Variants in ARHGEF10 observed in about 807,000 individuals in gnomAD.
The protein encoded by ARHGEF10 is Rho guanine nucleotide exchange factor 10.
ARHGEF10 carries 140 observed loss-of-function variants against 147.4 expected under a neutral mutation model. The observed-to-expected ratio is 0.95, with a 90% CI of 0.83 to 1.09. The LOEUF is 1.09. Ranked by LOEUF, ARHGEF10 falls within the 50% of genes least tolerant of loss-of-function variation. The pLI is 0.00. For missense variants in ARHGEF10, 2,222 were observed against 1,752.7 expected (o/e 1.27, Z -4.78); for synonymous variants, 902 against 695.8 (o/e 1.30, Z -4.67).
At chr8:1,842,510 G>A (rs1272264923) in intron 1 of ARHGEF10, among the ~76,000 whole-genome samples, 3 of 152,228 alleles carry the variant, frequency 2.0e-5, no homozygotes, top group Non-Finnish European at 4.4e-5. Context: ...GAGCTGGCCT[G>A]TGGGTGACAC....
Position 1,860,025 on chromosome 8 carries a change from C to A in ARHGEF10, c.322C>A (p.Pro108Thr), listed in dbSNP as rs1373504102. 1 of 1,614,128 alleles carries A rather than the reference C, an allele frequency of 6.2e-7. No homozygotes were observed. The highest frequency in any genetic ancestry group is 1.7e-5 in the Admixed American group (1 of 60,028). ...TPFQEDQPPT[P>T]VPSAEEENVG... ...ATTCCAGGAGGACCAGCCGCCCACC[C>A]CCGTGCCCAGCGCTGAGGAGGAGAA... The change falls in exon 4 of 29, where the codon CCC (proline) becomes ACC (threonine). Residue 108 changes from proline to threonine, a missense_variant. Coordinates refer to ENST00000349830, the MANE Select transcript of ARHGEF10 (RefSeq NM_014629.4).
In ARHGEF10 at chr8:1,896,428, C is replaced by T. The variant is rs141646890; in HGVS notation, c.1536C>T (p.Pro512=). ...AVLKKTCATK[P]AFLEFLKQEQ... ...TCAAGAAAACATGTGCCACAAAGCCCGCTTTTCTTGAATTTTTAAAGGTAA... is the reference window on the plus strand; with the variant it reads ...TCAAGAAAACATGTGCCACAAAGCCTGCTTTTCTTGAATTTTTAAAGGTAA... Residue 512 remains proline, a synonymous_variant, in exon 14 of 29, where the codon CCC becomes CCT. Coordinates refer to ENST00000349830, the MANE Select transcript of ARHGEF10 (RefSeq NM_014629.4). 8 of 1,613,418 alleles carry T rather than the reference C, an allele frequency of 5.0e-6. No homozygotes were observed. The highest frequency in any genetic ancestry group is 5.9e-6 in the Non-Finnish European group (7 of 1,179,838).
chr8:1,869,410 G>A (rs1169889981), intron 7 of ARHGEF10, 160 bp downstream of exon 7: 2 of 728,210 alleles, frequency 2.7e-6, no homozygotes, highest in Admixed American at 4.0e-5. Flanking sequence ...GAATATTGGT[G>A]TTTGTGCACA....
intron 11 of ARHGEF10, among the ~76,000 whole-genome samples, chr8:1,886,539 G>A (rs1026799836): frequency 6.6e-6 from 1 of 152,220 alleles, no homozygotes; most frequent in Non-Finnish European, 1.5e-5. Context: ...GCTGAAATAG[G>A]AAGCTTACAT....
At chr8:1,844,806 C>G (rs1447389076) in intron 2 of ARHGEF10, among the ~76,000 whole-genome samples, 2 of 152,136 alleles carry the variant, frequency 1.3e-5, no homozygotes, top group African/African-American at 4.8e-5. Context: ...TCAGCTCACA[C>G]CTGTAATGCC....
chr8:1,933,617 C>A (rs573070880), intron 25 of ARHGEF10, among the ~76,000 whole-genome samples, 183 bp from the exon 26 acceptor site: 2 of 152,158 alleles, frequency 1.3e-5, no homozygotes, highest in East Asian at 3.9e-4. Flanking sequence ...CGACTGTGCA[C>A]CATGGCCCAA....
chr8:1,877,061 C>T (rs988708736), intron 8 of ARHGEF10, among the ~76,000 whole-genome samples: 1 of 152,200 alleles, frequency 6.6e-6, no homozygotes, highest in Non-Finnish European at 1.5e-5. Flanking sequence ...GCACCGTTTG[C>T]GGAACACTGA....
At chr8:1,906,968 A>G (rs1810943866) in intron 17 of ARHGEF10, among the ~76,000 whole-genome samples, 2 of 152,182 alleles carry the variant, frequency 1.3e-5, no homozygotes, top group African/African-American at 4.8e-5. Context: ...TTTGACTCAT[A>G]CCCCATGGCT....
At chr8:1,837,750 C>G (rs538268429) in intron 1 of ARHGEF10, among the ~76,000 whole-genome samples, 15 of 152,274 alleles carry the variant, frequency 9.9e-5, no homozygotes, top group African/African-American at 3.6e-4. Flanking sequence ...GGGGAGGGCG[C>G]TGATTTTCTC....
chr8:1,876,418 T>G, intron 7 of ARHGEF10, 153 bp from the exon 8 acceptor site: 1 of 802,154 alleles, frequency 1.2e-6, no homozygotes, highest in Non-Finnish European at 2.1e-6. Flanking sequence ...GTGCCTTCCA[T>G]GGAGCAAGCC....
intron 28 of ARHGEF10, among the ~76,000 whole-genome samples, chr8:1,953,625 A>ATTTAATT (rs61197471): frequency 0.93 from 140,583 of 151,918 alleles, 65,108 homozygotes; most frequent in East Asian, 0.99. Context: ...TTGCCACAGC[A>ATTTAATT]TTTAATTTTT....
chr8:1,893,913 C>G (rs972842919), intron 12 of ARHGEF10, among the ~76,000 whole-genome samples: 1 of 151,992 alleles, frequency 6.6e-6, no homozygotes, highest in Non-Finnish European at 1.5e-5. Context: ...GTGGCTCACC[C>G]CTGTAATCCT....
intron 28 of ARHGEF10, 74 bp from the exon 29 acceptor site, chr8:1,956,675 C>T (rs1425120854): frequency 6.4e-7 from 1 of 1,567,988 alleles, no homozygotes; most frequent in Non-Finnish European, 8.8e-7. Context: ...GGGGTTAAGC[C>T]CTGCACTTTT....
intron 1 of ARHGEF10, among the ~76,000 whole-genome samples, chr8:1,827,685 G>C (rs1234164433): frequency 6.6e-6 from 1 of 152,152 alleles, no homozygotes; most frequent in African/African-American, 2.4e-5. Context: ...TATCATTAGA[G>C]TAAAGCAGGC....
chr8:1,924,006 A>C (rs1812494902), intron 21 of ARHGEF10, 132 bp downstream of exon 21: 1 of 912,166 alleles, frequency 1.1e-6, no homozygotes, highest in Non-Finnish European at 1.8e-6. Context: ...AGTGTTTCTA[A>C]ACAGGAAAAT....
chr8:1,846,921 T>A (rs1164669532), intron 2 of ARHGEF10, among the ~76,000 whole-genome samples: 2 of 152,144 alleles, frequency 1.3e-5, no homozygotes, highest in Non-Finnish European at 2.9e-5. Flanking sequence ...CGCGTTAACA[T>A]TTGTGTTTGT....
rs1200382737 is a variant in ARHGEF10 at position 1,957,550 on chromosome 8, T to A, written c.*287T>A. 1.1e-5 allele frequency: 6 copies of A among 539,748 alleles called. No homozygotes were observed. The highest frequency in any genetic ancestry group is 1.0e-4 in the Admixed American group (3 of 29,670). The allele number at this position is 539,748 out of a possible 1,614,324, so 33.4% of individuals were successfully genotyped here. On this transcript the variant is annotated 3_prime_UTR_variant, in exon 29 of 29. Coordinates refer to ENST00000349830, the MANE Select transcript of ARHGEF10 (RefSeq NM_014629.4). ...AAAATACCACATTCTTTTTGACTGC[T>A]GTAGTCCATATGTGAATACTAAATG... is the stretch of plus-strand genomic sequence containing the variant.
At chr8:1,871,027 CA>C (rs1807070077) in intron 7 of ARHGEF10, 1 of 147,228 alleles carries the variant, frequency 6.8e-6, no homozygotes, top group Non-Finnish European at 1.5e-5. Flanking sequence ...GCAGGAGAAT[CA>C]CTTGAACCCA....
chr8:1,860,078 C>A lies in ARHGEF10; in HGVS notation c.375C>A (p.Tyr125Ter). The change falls in exon 4 of 29, where the codon TAC becomes TAA. Residue 125 changes from tyrosine to a stop codon, truncating the protein, a stop_gained. Coordinates refer to ENST00000349830, the MANE Select transcript of ARHGEF10 (RefSeq NM_014629.4). LOFTEE classifies it high-confidence loss of function. ...ENVGLHVPCG[Y>*]LVPVPCGYAV... Reference sequence around the variant, plus strand: ...TGGGTCTCCATGTGCCCTGCGGGTACTTGGTGCCTGTACCCTGCGGCTATG... The same window carrying A: ...TGGGTCTCCATGTGCCCTGCGGGTAATTGGTGCCTGTACCCTGCGGCTATG... 1 of 1,614,098 alleles carries A rather than the reference C, an allele frequency of 6.2e-7. No homozygotes were observed. The highest frequency in any genetic ancestry group is 8.5e-7 in the Non-Finnish European group (1 of 1,179,962).
Sources: allele counts gnomAD v4.1 joint callset (sites outside exome capture counted in the v4.1 genomes callset), GRCh38; gene constraint gnomAD v4.1.1; transcripts MANE v1.5; gene names NCBI Gene and HGNC (gene_info 2026-07-23, HGNC 2026-07-21).